PHC3: variants seen among roughly 807,000 people sequenced by gnomAD.
PHC3 encodes polyhomeotic homolog 3.
A neutral mutation model predicts 107.4 loss-of-function variants in PHC3; 13 were observed. The ratio of observed to expected loss-of-function variants is 0.12; its 90% confidence interval spans 0.08 to 0.19. The LOEUF (loss-of-function observed/expected upper bound fraction) is 0.19, where lower values mean the gene tolerates loss of function less well. Among genes scored for constraint, PHC3 ranks in the 10% least tolerant of loss-of-function variants. PHC3 has a pLI of 1.00. For missense variants in PHC3, 992 were observed against 1,210.9 expected (o/e 0.82, Z 2.68); for synonymous variants, 456 against 427.4 (o/e 1.07, Z -0.83).
chr3:170,160,709 T>C (rs2108668829), intron 4 of PHC3, among the ~76,000 whole-genome samples: 1 of 152,320 alleles, frequency 6.6e-6, no homozygotes, highest in South Asian at 2.1e-4. Flanking sequence ...GAGACCAGCC[T>C]GGGCAACATA....
chr3:170,104,412 A>G (rs1716073622), intron 12 of PHC3, among the ~76,000 whole-genome samples: 1 of 152,196 alleles, frequency 6.6e-6, no homozygotes, highest in Non-Finnish European at 1.5e-5. Flanking sequence ...ATTTTTACAT[A>G]TATGAAACGC....
chr3:170,106,115 G>A (rs971027155), intron 12 of PHC3, among the ~76,000 whole-genome samples: 7 of 152,152 alleles, frequency 4.6e-5, no homozygotes, highest in Admixed American at 1.3e-4. Context: ...AGGAGGCTGA[G>A]GCAGGAGAAT....
chr3:170,107,628 C>A lies in PHC3; in HGVS notation c.2354-682G>T, dbSNP rs1174879900. 2.0e-5 allele frequency among the ~76,000 whole-genome samples: 3 copies of A among 152,096 alleles called. No homozygotes were observed. The East Asian group carries it at 5.8e-4, about 29-fold the overall frequency. On this transcript the variant is annotated intron_variant, in intron 11 of 14. Transcript: ENST00000495893. ...AAATTCTTTAAAAAGATGCATATAT[C>A]TAATTATAAAACAGTTCCTTTTAGT...
chr3:170,119,927 T>C (rs950188449), intron 9 of PHC3, among the ~76,000 whole-genome samples: 3 of 152,176 alleles, frequency 2.0e-5, no homozygotes, highest in Non-Finnish European at 2.9e-5. Flanking sequence ...CAAGTCTACA[T>C]TGTACTTTGA....
At chr3:170,112,683 C>T (rs1018990446) in intron 11 of PHC3, among the ~76,000 whole-genome samples, 1 of 151,620 alleles carries the variant, frequency 6.6e-6, no homozygotes, top group Non-Finnish European at 1.5e-5. Context: ...GCCACCACAC[C>T]TGGCTAATTT....
At chr3:170,133,520 G>A (rs1722588168) in intron 7 of PHC3, among the ~76,000 whole-genome samples, 2 of 152,118 alleles carry the variant, frequency 1.3e-5, no homozygotes, top group African/African-American at 4.8e-5. Context: ...CTAAAAAGGT[G>A]AAAAATATAG....
intron 1 of PHC3, among the ~76,000 whole-genome samples, chr3:170,181,342 G>C (rs1373720320): frequency 1.3e-5 from 2 of 151,860 alleles, no homozygotes; most frequent in Non-Finnish European, 2.9e-5. Context: ...GCAGGCAGCC[G>C]TAACAAGGCT....
intron 6 of PHC3, among the ~76,000 whole-genome samples, chr3:170,143,930 T>C (rs1404764790): frequency 6.6e-6 from 1 of 152,084 alleles, no homozygotes; most frequent in Non-Finnish European, 1.5e-5. Context: ...AATGGAATCA[T>C]AGAGTATGTA....
chr3:170,122,883 A>G, intron 8 of PHC3, 139 bp from the exon 9 acceptor site: 1 of 941,642 alleles, frequency 1.1e-6, no homozygotes, highest in Non-Finnish European at 1.5e-6. Context: ...GACTGAAAGG[A>G]AAACTTAAAA....
intron 14 of PHC3, among the ~76,000 whole-genome samples, chr3:170,099,092 A>G (rs1715041538): frequency 6.6e-6 from 1 of 152,180 alleles, no homozygotes; most frequent in Non-Finnish European, 1.5e-5. Context: ...ACTTACTTAG[A>G]TTCAGAAAAC....
At chr3:170,160,002 A>C (rs1297921354) in intron 4 of PHC3, among the ~76,000 whole-genome samples, 2 of 152,174 alleles carry the variant, frequency 1.3e-5, no homozygotes. Context: ...GTTATAAGAT[A>C]CTCCAGCAAA....
At chr3:170,165,942 T>C (rs1437167120) in intron 4 of PHC3, among the ~76,000 whole-genome samples, 1 of 136,146 alleles carries the variant, frequency 7.3e-6, no homozygotes, top group Non-Finnish European at 1.6e-5. Context: ...TCTCTTAAAA[T>C]GGTTCAAATA....
chr3:170,145,392 A>G lies in PHC3; in HGVS notation c.672+31T>C. On this transcript the variant is annotated intron_variant, in intron 6 of 14. Transcript: ENST00000495893. ...CTTTAACCTGAAGATCCAGATCTCA[A>G]GTAACACATTATGAAGCTAGACAAG... 3.2e-6 allele frequency: 5 copies of G among 1,572,044 alleles called. No homozygotes were observed. In the South Asian group the frequency reaches 4.5e-5, roughly 14 times the overall value.
rs183636587 is a variant in PHC3 at position 170,161,415 on chromosome 3, C to T, written c.414+9958G>A. Among the ~76,000 whole-genome samples, 3 of 152,300 alleles carry T rather than the reference C, an allele frequency of 2.0e-5. No homozygotes were observed. In the East Asian group the frequency reaches 5.8e-4, roughly 29 times the overall value. On this transcript the variant is annotated intron_variant, in intron 4 of 14. Coordinates refer to ENST00000495893, the MANE Select transcript of PHC3 (RefSeq NM_024947.4). ...GGTTTCATGGAAGACAATTTTTCCACAGAGAAGGTGGGGAAAATGGGTTTT... is the reference window on the plus strand; with the variant it reads ...GGTTTCATGGAAGACAATTTTTCCATAGAGAAGGTGGGGAAAATGGGTTTT...
At chr3:170,171,290 G>A (rs751290866) in intron 4 of PHC3, 83 bp downstream of exon 4, 5 of 958,916 alleles carry the variant, frequency 5.2e-6, no homozygotes, top group Admixed American at 5.7e-5. Context: ...TATAATAACA[G>A]CTTCATAAAT....
At chr3:170,168,824 T>G (rs927282567) in intron 4 of PHC3, among the ~76,000 whole-genome samples, 2 of 151,858 alleles carry the variant, frequency 1.3e-5, no homozygotes, top group African/African-American at 2.4e-5. Flanking sequence ...TGATTCTAAT[T>G]AGAGAAAAGA....
intron 7 of PHC3, among the ~76,000 whole-genome samples, chr3:170,130,847 A>C (rs1194855841): frequency 6.6e-6 from 1 of 152,206 alleles, no homozygotes; most frequent in Non-Finnish European, 1.5e-5. Context: ...AAACTGAAAC[A>C]ATTGCTTAAT....
At chr3:170,166,585 C>G (rs543996938) in intron 4 of PHC3, among the ~76,000 whole-genome samples, 1 of 152,040 alleles carries the variant, frequency 6.6e-6, no homozygotes, top group African/African-American at 2.4e-5. Context: ...ATTATACATC[C>G]TGCATATGGG....
chr3:170,131,425 A>T (rs1722246575), intron 7 of PHC3, among the ~76,000 whole-genome samples: 1 of 152,230 alleles, frequency 6.6e-6, no homozygotes, highest in Non-Finnish European at 1.5e-5. Context: ...CCTCTTACAG[A>T]TAAGTAAATA....
Sources: allele counts gnomAD v4.1 joint callset (sites outside exome capture counted in the v4.1 genomes callset), GRCh38; gene constraint gnomAD v4.1.1; transcripts MANE v1.5; gene names NCBI Gene and HGNC (gene_info 2026-07-23, HGNC 2026-07-21).